Variants in ADCY3 observed in about 807,000 individuals in gnomAD.
ADCY3 encodes adenylate cyclase type 3.
Under a neutral mutation model 119.4 loss-of-function variants are expected in ADCY3, and 70 were observed. The observed-to-expected ratio is 0.59, with a 90% CI of 0.48 to 0.72. The LOEUF (loss-of-function observed/expected upper bound fraction) is 0.72. Ranked by LOEUF, ADCY3 falls within the 30% of genes least tolerant of loss-of-function variation. The pLI is 0.00. For synonymous variants in ADCY3, 672 were observed against 621.4 expected, an observed-to-expected ratio of 1.08 and a Z score of -1.21; for missense variants, 1,238 against 1,541.6, an observed-to-expected ratio of 0.80 and a Z score of 3.30.
chr2:24,848,226 GA>G (rs1342031208), intron 3 of ADCY3, among the ~76,000 whole-genome samples: 2 of 152,370 alleles, frequency 1.3e-5, no homozygotes, highest in Admixed American at 1.3e-4. Context: ...GCCCAGGGTG[GA>G]AAACCCCTTA....
chr2:24,905,560 C>A (rs1365256411), intron 2 of ADCY3, among the ~76,000 whole-genome samples: 3 of 152,154 alleles, frequency 2.0e-5, no homozygotes, highest in Admixed American at 6.5e-5. Context: ...TAGGGCCAAG[C>A]GGGGAGGGAT....
rs376346856 is a variant in ADCY3, at chr2:24,872,764, C to T, written c.676-45G>A. On this transcript the variant is annotated intron_variant, in intron 2 of 21. Coordinates refer to ENST00000679454, the MANE Select transcript of ADCY3 (RefSeq NM_004036.5). This position sits in a 1 kb window ranked among gnomAD's most constrained non-coding sequence, Gnocchi z 4.4. ...AGAGAAAAGGCCAGGGGTGAAGGCA[C>T]GTCTTCAGAAAAGGGGATGGAGAAG... 5.3e-5 allele frequency: 84 copies of T among 1,590,934 alleles called. No homozygotes were observed. The highest frequency in any genetic ancestry group is 6.3e-5 in the Non-Finnish European group (73 of 1,164,330).
intron 2 of ADCY3, among the ~76,000 whole-genome samples, chr2:24,876,412 A>G (rs184624823): frequency 6.6e-6 from 1 of 152,314 alleles, no homozygotes; most frequent in East Asian, 1.9e-4. Context: ...GCCTCCATAC[A>G]CAGTGGTGGC....
intron 17 of ADCY3, 91 bp downstream of exon 17, chr2:24,824,287 A>C: frequency 6.6e-7 from 1 of 1,511,364 alleles, no homozygotes. Context: ...CCTGTCCCTG[A>C]GAAGGCCTGG....
intron 12 of ADCY3, among the ~76,000 whole-genome samples, chr2:24,831,157 G>A (rs1572819216): frequency 6.6e-6 from 1 of 152,020 alleles, no homozygotes; most frequent in East Asian, 1.9e-4. Flanking sequence ...TGCCTATCCT[G>A]GCTCCAAGTG....
intron 16 of ADCY3, 38 bp from the exon 17 acceptor site, chr2:24,824,574 T>C (rs1240404449): frequency 6.2e-7 from 1 of 1,606,206 alleles, no homozygotes; most frequent in African/African-American, 1.3e-5. Flanking sequence ...TGCTCTAAGC[T>C]GGCCACTGGA....
intron 19 of ADCY3, 144 bp downstream of exon 19, chr2:24,822,364 TTTC>T: frequency 8.6e-7 from 1 of 1,165,562 alleles, no homozygotes; most frequent in Non-Finnish European, 1.2e-6. Flanking sequence ...ATAAACCCTA[TTTC>T]TTATTTATAT....
At chr2:24,831,921 A>C (rs868298429) in intron 11 of ADCY3, among the ~76,000 whole-genome samples, 172 bp from the exon 12 acceptor site, 21 of 54,656 alleles carry the variant, frequency 3.8e-4, no homozygotes, top group Middle Eastern at 0.011. Context: ...GGGCCAGGGG[A>C]CAGCGGACAG....
chr2:24,838,688 T>C, intron 7 of ADCY3, 66 bp from the exon 8 acceptor site: 1 of 1,602,346 alleles, frequency 6.2e-7, no homozygotes. Context: ...CAGGGGACAG[T>C]CCACGGACCA....
intron 3 of ADCY3, among the ~76,000 whole-genome samples, chr2:24,853,737 T>C (rs1479657824): frequency 9.8e-5 from 15 of 152,296 alleles, no homozygotes; most frequent in Non-Finnish European, 1.5e-4. Context: ...CTGCCTGCCT[T>C]GGCCTCCCAA....
chr2:24,902,805 G>A (rs1679056916), intron 2 of ADCY3, among the ~76,000 whole-genome samples: 1 of 152,166 alleles, frequency 6.6e-6, no homozygotes, highest in Non-Finnish European at 1.5e-5. Context: ...CGCGGTGGGT[G>A]GATCACCTGA....
intron 2 of ADCY3, among the ~76,000 whole-genome samples, chr2:24,905,550 T>TA (rs111240484): frequency 3.2e-4 from 48 of 152,272 alleles, no homozygotes; most frequent in Admixed American, 1.4e-3. Flanking sequence ...ATAGGGTGGA[T>TA]AGGGCCAAGC....
At chr2:24,910,629 A>G (rs1276801091) in intron 2 of ADCY3, among the ~76,000 whole-genome samples, 3 of 151,760 alleles carry the variant, frequency 2.0e-5, no homozygotes, top group Non-Finnish European at 2.9e-5. Context: ...CTTTATGCTA[A>G]ATGCAATTTA....
At chr2:24,829,319 C>T (rs1254901672) in intron 13 of ADCY3, among the ~76,000 whole-genome samples, 1 of 150,782 alleles carries the variant, frequency 6.6e-6, no homozygotes, top group Non-Finnish European at 1.5e-5. Context: ...GCCCGGCCCC[C>T]CACTGGACTT....
intron 2 of ADCY3, among the ~76,000 whole-genome samples, chr2:24,916,223 G>A (rs1400675708): frequency 6.6e-6 from 1 of 152,240 alleles, no homozygotes; most frequent in East Asian, 1.9e-4. Flanking sequence ...GAGTTTAGAA[G>A]TGATCTCCGA....
intron 9 of ADCY3, among the ~76,000 whole-genome samples, chr2:24,835,249 G>A (rs968548184): frequency 3.3e-5 from 5 of 152,308 alleles, no homozygotes; most frequent in East Asian, 1.9e-4. Context: ...ACCTGTAATC[G>A]GAGACAGCTG....
Position 24,912,605 on chromosome 2 carries a change from A to G in ADCY3, c.675+5708T>C, listed in dbSNP as rs56133414. 5.0e-3 allele frequency among the ~76,000 whole-genome samples: 193 copies of G among 38,782 alleles called. 3 individuals carry two copies. The African/African-American group carries it at 0.058, about 12-fold the overall frequency. 25.4% of individuals were successfully genotyped at this position (38,782 alleles called of 152,430 possible). A position where few individuals can be genotyped will look rare whatever the true frequency, so the allele number is the denominator to read the frequency against. ...TGTGTGCATGTGTGTGTGTGTGTGCATGTGTGTGTGTGTGTGTGTGCCTGC... is the reference window on the plus strand; with the variant it reads ...TGTGTGCATGTGTGTGTGTGTGTGCGTGTGTGTGTGTGTGTGTGTGCCTGC... On this transcript the variant is annotated intron_variant, in intron 2 of 21. Transcript: ENST00000679454.
chr2:24,873,560 C>A (rs1027667519), intron 2 of ADCY3, among the ~76,000 whole-genome samples: 3 of 152,236 alleles, frequency 2.0e-5, no homozygotes, highest in African/African-American at 7.2e-5. Flanking sequence ...ATCTGATGGT[C>A]TCCTGCTGGG....
chr2:24,890,455 G>C (rs910108708), intron 2 of ADCY3, among the ~76,000 whole-genome samples: 1 of 152,140 alleles, frequency 6.6e-6, no homozygotes, highest in African/African-American at 2.4e-5. Flanking sequence ...CTGAGGCTGG[G>C]GTTTCCTTTG....
Sources: gnomAD v4.1 joint callset for allele counts (sites outside exome capture counted in the v4.1 genomes callset) on GRCh38, gnomAD v4.1.1 for gene constraint, Gnocchi (gnomAD v3.1) non-coding constraint, MANE v1.5 for transcripts, NCBI Gene and HGNC (gene_info 2026-07-23, HGNC 2026-07-21) for gene names.